Variants in CHCHD3 observed in about 807,000 individuals in gnomAD.
CHCHD3 encodes the protein coiled-coil-helix-coiled-coil-helix domain containing 3.
Under a neutral mutation model 38.2 loss-of-function variants are expected in CHCHD3, and 20 were observed. The ratio of observed to expected loss-of-function variants is 0.52; its 90% CI spans 0.37 to 0.76. The LOEUF (loss-of-function observed/expected upper bound fraction) is 0.76. CHCHD3 is among the 30% of genes least tolerant of loss of function. CHCHD3 has a pLI of 0.00. For missense variants in CHCHD3, 245 were observed against 279.2 expected (o/e 0.88, Z 0.87); for synonymous variants, 82 against 100.0 (o/e 0.82, Z 1.07).
chr7:132,961,199 T>C (rs1012491414), intron 4 of CHCHD3, among the ~76,000 whole-genome samples: 3 of 152,086 alleles, frequency 2.0e-5, no homozygotes, highest in Admixed American at 6.5e-5. Context: ...GGAGGATCAC[T>C]TGAGCCCAGG....
chr7:132,939,998 T>A (rs756985421), intron 4 of CHCHD3, among the ~76,000 whole-genome samples: 8 of 152,280 alleles, frequency 5.3e-5, no homozygotes, highest in Non-Finnish European at 1.0e-4. Context: ...TCTAAAAAGC[T>A]AGTTATCTAA....
intron 4 of CHCHD3, among the ~76,000 whole-genome samples, chr7:132,919,786 C>T (rs1810212580): frequency 6.6e-6 from 1 of 152,126 alleles, no homozygotes; most frequent in Admixed American, 6.5e-5. Context: ...GGGACCCAAA[C>T]CGTTAACTCC....
At chr7:132,832,238 T>G (rs993005067) in intron 6 of CHCHD3, among the ~76,000 whole-genome samples, 1 of 152,216 alleles carries the variant, frequency 6.6e-6, no homozygotes, top group African/African-American at 2.4e-5. Context: ...CTTTTAATAC[T>G]TTATAAGGAT....
intron 4 of CHCHD3, among the ~76,000 whole-genome samples, chr7:132,963,505 G>C (rs908892678): frequency 7.3e-5 from 11 of 151,178 alleles, no homozygotes; most frequent in African/African-American, 2.7e-4. Context: ...GGTAATGGGC[G>C]CCTGTAGTCC....
intron 2 of CHCHD3, among the ~76,000 whole-genome samples, chr7:133,025,070 G>A (rs1813299653): frequency 6.6e-6 from 1 of 152,114 alleles, no homozygotes; most frequent in African/African-American, 2.4e-5. Flanking sequence ...ACTACAAAGA[G>A]CAAATCATTT....
chr7:132,960,232 C>G, intron 4 of CHCHD3, among the ~76,000 whole-genome samples: 1 of 151,648 alleles, frequency 6.6e-6, no homozygotes, highest in Non-Finnish European at 1.5e-5. Flanking sequence ...GTACATGTTC[C>G]TAAGGCTCAC....
At chr7:132,973,414 A>C in intron 4 of CHCHD3, 1 of 985,480 alleles carries the variant, frequency 1.0e-6, no homozygotes, top group African/African-American at 1.7e-5. Context: ...TCCTCAAAAA[A>C]TCCTTCAGCT....
chr7:132,808,296 CT>C (rs1396729505), intron 6 of CHCHD3, among the ~76,000 whole-genome samples: 1 of 152,182 alleles, frequency 6.6e-6, no homozygotes, highest in Admixed American at 6.5e-5. Context: ...CCTTCTCTGT[CT>C]TTTTAATTGC....
At chr7:132,799,540 A>C (rs1418689770) in intron 6 of CHCHD3, among the ~76,000 whole-genome samples, 1 of 152,226 alleles carries the variant, frequency 6.6e-6, no homozygotes, top group African/African-American at 2.4e-5. Context: ...CGATTAGACA[A>C]GTTAATTTCT....
At chr7:132,849,998 G>C (rs768373253) in intron 5 of CHCHD3, among the ~76,000 whole-genome samples, 1 of 152,168 alleles carries the variant, frequency 6.6e-6, no homozygotes. Flanking sequence ...TAGACAGGGT[G>C]AAAGTAATCA....
At chr7:132,941,213 G>A (rs1810759608) in intron 4 of CHCHD3, among the ~76,000 whole-genome samples, 1 of 152,144 alleles carries the variant, frequency 6.6e-6, no homozygotes. Flanking sequence ...GATGATAACA[G>A]TTCTTGGATT....
At chr7:132,981,903 G>A (rs908465105) in intron 3 of CHCHD3, among the ~76,000 whole-genome samples, 2 of 152,174 alleles carry the variant, frequency 1.3e-5, no homozygotes, top group Non-Finnish European at 2.9e-5. Flanking sequence ...ACAAGATACT[G>A]CAATGCACTT....
At chr7:132,856,485 A>G (rs540991295) in intron 5 of CHCHD3, among the ~76,000 whole-genome samples, 36 of 152,238 alleles carry the variant, frequency 2.4e-4, no homozygotes, top group Non-Finnish European at 4.6e-4. Flanking sequence ...AATAATGTGA[A>G]TTAGGCTCTG....
At chr7:133,000,698 C>A (rs1455907377) in intron 3 of CHCHD3, among the ~76,000 whole-genome samples, 1 of 152,016 alleles carries the variant, frequency 6.6e-6, no homozygotes, top group Admixed American at 6.6e-5. Context: ...AAGAATCAGG[C>A]CGAATTAATT....
At chr7:133,002,095 C>T (rs1188231061) in intron 3 of CHCHD3, among the ~76,000 whole-genome samples, 1 of 152,164 alleles carries the variant, frequency 6.6e-6, no homozygotes, top group Non-Finnish European at 1.5e-5. Context: ...ACCCATGAAG[C>T]TGGAATTCAA....
intron 3 of CHCHD3, among the ~76,000 whole-genome samples, chr7:133,014,580 TA>T (rs2117419372): frequency 6.7e-6 from 1 of 150,316 alleles, no homozygotes; most frequent in African/African-American, 2.4e-5. Context: ...AAAAGGCAAA[TA>T]AATACTAACA....
At chr7:132,989,026 T>C (rs1357785359) in intron 3 of CHCHD3, among the ~76,000 whole-genome samples, 1 of 152,190 alleles carries the variant, frequency 6.6e-6, no homozygotes, top group Non-Finnish European at 1.5e-5. Flanking sequence ...GTATTGTAAG[T>C]ACATCTAGAG....
chr7:133,024,678 T>C (rs1397701658), intron 2 of CHCHD3, 51 bp from the exon 3 acceptor site: 2 of 1,345,104 alleles, frequency 1.5e-6, no homozygotes, highest in African/African-American at 1.4e-5. Flanking sequence ...TTCTTAAAAA[T>C]AAAAGCAAGA....
At chr7:132,887,585 G>A (rs947746237) in intron 4 of CHCHD3, among the ~76,000 whole-genome samples, 1 of 150,948 alleles carries the variant, frequency 6.6e-6, no homozygotes, top group African/African-American at 2.4e-5. Context: ...ATAGAGCACT[G>A]AAAAAAGAAG....
Sources: gnomAD v4.1 joint callset for allele counts (sites outside exome capture counted in the v4.1 genomes callset) on GRCh38, gnomAD v4.1.1 for gene constraint, MANE v1.5 for transcripts, NCBI Gene and HGNC (gene_info 2026-07-23, HGNC 2026-07-21) for gene names.